The following PCDHGA2 variants were observed in gnomAD, a reference collection of about 807,000 sequenced individuals.
PCDHGA2 encodes the protein protocadherin gamma-A2.
PCDHGA2 carries 40 observed loss-of-function variants against 59.2 expected under a neutral mutation model. The observed-to-expected ratio is 0.68, with a 90% confidence interval of 0.52 to 0.88. The LOEUF (loss-of-function observed/expected upper bound fraction) is 0.88, where lower values mean the gene tolerates loss of function less well. Among genes scored for constraint, PCDHGA2 ranks in the 40% least tolerant of loss-of-function variants. The pLI, the probability that PCDHGA2 is intolerant of heterozygous loss-of-function variation, is 0.00. For missense variants in PCDHGA2, 1,226 were observed against 1,204.0 expected, an observed-to-expected ratio of 1.02 and a Z score of -0.27; for synonymous variants, 560 against 526.0, an observed-to-expected ratio of 1.06 and a Z score of -0.89.
Position 141,491,248 on chromosome 5 carries a change from G to T in PCDHGA2, c.2425-3559G>T, listed in dbSNP as rs757712577. On this transcript the variant is annotated intron_variant, in intron 1 of 3. Transcript: ENST00000394576. The surrounding 1 kb of genome is among the most constrained non-coding windows in gnomAD (Gnocchi z 6.9). ...AGTGCTGCTGGTTCTGGAGGATGAG[G>T]ACCCTGAGGAAATGCCCAAATCCAG... 3 of 1,614,170 alleles carry T rather than the reference G, an allele frequency of 1.9e-6. No individual in the cohort carries two copies. Among genetic ancestry groups the T allele is most frequent in the Non-Finnish European group, 2.5e-6 (3 of 1,180,018 alleles).
intron 1 of PCDHGA2, chr5:141,362,561 GC>G (rs753422922): frequency 2.5e-6 from 4 of 1,608,504 alleles, no homozygotes; most frequent in Non-Finnish European, 3.4e-6. Flanking sequence ...TTGAAGGTGA[GC>G]TTTAATTAAT....
intron 3 of PCDHGA2, among the ~76,000 whole-genome samples, chr5:141,506,781 T>C (rs965408564): frequency 1.4e-4 from 22 of 152,168 alleles, no homozygotes; most frequent in African/African-American, 5.3e-4. Context: ...CCTGGGCTTA[T>C]AAGGAGGCTG....
intron 1 of PCDHGA2, chr5:141,398,307 G>A (rs1447377921): frequency 1.5e-6 from 2 of 1,359,764 alleles, no homozygotes; most frequent in South Asian, 1.3e-5. Flanking sequence ...GCGTCCAGGA[G>A]TTACCGACTC....
intron 1 of PCDHGA2, chr5:141,379,619 T>C (rs1045405424): frequency 6.6e-6 from 1 of 152,170 alleles, no homozygotes; most frequent in African/African-American, 2.4e-5. Context: ...TTTAAACAAA[T>C]AAAATATTTC....
At position 141,360,263 on chromosome 5, in the gene PCDHGA2, A is replaced by G. The variant is rs555467064; in HGVS notation, c.2424+18868A>G. The G allele has an allele frequency of 1.9e-6, 3 of 1,613,984 alleles. No individual in the cohort carries two copies. In the Admixed American group the frequency reaches 5.0e-5, roughly 27 times the overall value. On this transcript the variant is annotated intron_variant, in intron 1 of 3. Transcript: ENST00000394576. ...TATTCAATTCCAGAGGAGCTGGCCA[A>G]AAACTCGGTCGTAGGAAACCTCGCC...
chr5:141,415,067 G>A, intron 1 of PCDHGA2: 1 of 1,613,398 alleles, frequency 6.2e-7, no homozygotes, highest in Non-Finnish European at 8.5e-7. Context: ...GGCGAGGTGC[G>A]CACGGCGCGA....
At chr5:141,500,582 T>G (rs534297929) in intron 2 of PCDHGA2, among the ~76,000 whole-genome samples, 29 of 152,314 alleles carry the variant, frequency 1.9e-4, no homozygotes, top group African/African-American at 6.7e-4. Flanking sequence ...ATGTGACACT[T>G]TATTCACATA....
chr5:141,373,942 G>C, intron 1 of PCDHGA2: 1 of 734,326 alleles, frequency 1.4e-6, no homozygotes, highest in African/African-American at 1.8e-5. Context: ...CAGGAAAGCT[G>C]TGCAGAAATT....
intron 1 of PCDHGA2, chr5:141,410,843 C>CTT: frequency 4.6e-6 from 1 of 216,280 alleles, no homozygotes; most frequent in South Asian, 8.0e-5. Flanking sequence ...GATATTTTGT[C>CTT]TTTGTCTTTT....
chr5:141,498,053 G>A (rs2099781284), intron 2 of PCDHGA2, among the ~76,000 whole-genome samples: 1 of 152,204 alleles, frequency 6.6e-6, no homozygotes, highest in Non-Finnish European at 1.5e-5. Flanking sequence ...AAATAAATGT[G>A]AGACTGAAAC....
intron 1 of PCDHGA2, chr5:141,361,215 G>A: frequency 1.2e-6 from 2 of 1,613,962 alleles, no homozygotes; most frequent in Non-Finnish European, 1.7e-6. Flanking sequence ...CGGAGGATTC[G>A]CCACCAGGAA....
At chr5:141,356,117 G>A (rs1012623543) in intron 1 of PCDHGA2, 2 of 1,613,752 alleles carry the variant, frequency 1.2e-6, no homozygotes, top group Non-Finnish European at 1.7e-6. Flanking sequence ...ATATTGGGGG[G>A]TCTAGATTAT....
chr5:141,393,019 G>A (rs1415257415), intron 1 of PCDHGA2: 1 of 1,613,746 alleles, frequency 6.2e-7, no homozygotes, highest in African/African-American at 1.3e-5. Flanking sequence ...ATCGTCTCCA[G>A]AGGTAGGACG....
rs61612330 is a variant in PCDHGA2, at chr5:141,454,796, A to ATTTTTTTTTTTTTTTTTTTTTTT, written c.2425-40004_2425-39982dup. Among the ~76,000 whole-genome samples, 6 of 77,456 alleles carry ATTTTTTTTTTTTTTTTTTTTTTT rather than the reference A, an allele frequency of 7.7e-5. 1 individual carries two copies. The highest frequency in any genetic ancestry group is 8.0e-4 in the East Asian group (2 of 2,512). 50.8% of individuals were successfully genotyped at this position (77,456 alleles called of 152,430 possible). Reference sequence around the variant, plus strand: ...AAGGAAATAATCCTCCATGGTTCTAATTTTTTTTTTTTTTTTTTTTTTTTT... The same window carrying ATTTTTTTTTTTTTTTTTTTTTTT: ...AAGGAAATAATCCTCCATGGTTCTAATTTTTTTTTTTTTTTTTTTTTTTTTTTTTTTTTTTTTTTTTTTTTTTT... On this transcript the variant is annotated intron_variant, in intron 1 of 3. Transcript: ENST00000394576.
At chr5:141,420,530 A>G (rs1038635436) in intron 1 of PCDHGA2, 9 of 336,858 alleles carry the variant, frequency 2.7e-5, no homozygotes, top group African/African-American at 6.4e-5. Flanking sequence ...CCTTTCGGTT[A>G]AAAATATAAA....
intron 1 of PCDHGA2, chr5:141,409,596 AC>A: frequency 6.2e-7 from 1 of 1,613,714 alleles, no homozygotes; most frequent in Non-Finnish European, 8.5e-7. Flanking sequence ...GCCGAGAACA[AC>A]CCGCCAGGAG....
intron 1 of PCDHGA2, chr5:141,372,504 C>G: frequency 6.2e-7 from 1 of 1,614,052 alleles, no homozygotes; most frequent in South Asian, 1.1e-5. Flanking sequence ...AGTGCTCTTC[C>G]TCCTCGCGGT....
Position 141,491,636 on chromosome 5 carries a change from C to T in PCDHGA2, c.2425-3171C>T. ...AGACCCCTCAGCGTTCAGCAGCCCA[C>T]AGCTCTGGCGCTGGAGCCTGACGCC... On this transcript the variant is annotated intron_variant, in intron 1 of 3. Coordinates refer to ENST00000394576, the MANE Select transcript of PCDHGA2 (RefSeq NM_018915.4). This position sits in a 1 kb window ranked among gnomAD's most constrained non-coding sequence, Gnocchi z 6.9. 6.2e-7 allele frequency: 1 copy of T among 1,613,922 alleles called. No homozygotes were observed. Among genetic ancestry groups the T allele is most frequent in the Non-Finnish European group, 8.5e-7 (1 of 1,180,020 alleles).
chr5:141,352,377 C>G (rs1324121719), intron 1 of PCDHGA2: 1 of 1,614,038 alleles, frequency 6.2e-7, no homozygotes, highest in Non-Finnish European at 8.5e-7. Context: ...GTGATTCTAG[C>G]GATCGCCCTG....
Sources: gnomAD v4.1 joint callset for allele counts (sites outside exome capture counted in the v4.1 genomes callset) on GRCh38, gnomAD v4.1.1 for gene constraint, Gnocchi (gnomAD v3.1) non-coding constraint, MANE v1.5 for transcripts, NCBI Gene and HGNC (gene_info 2026-07-23, HGNC 2026-07-21) for gene names.